Variants in MAPK10 observed in about 807,000 individuals in gnomAD.
MAPK10 encodes the protein mitogen-activated protein kinase 10.
A neutral mutation model predicts 59.3 loss-of-function variants in MAPK10; 25 were observed. That is an observed-to-expected ratio of 0.42 (90% CI 0.31 to 0.59). The LOEUF is 0.59. Ranked by LOEUF, MAPK10 falls within the 20% of genes least tolerant of loss-of-function variation. MAPK10 has a pLI of 0.15. For synonymous variants in MAPK10, 190 were observed against 200.5 expected (o/e 0.95, Z 0.44); for missense variants, 351 against 568.9 (o/e 0.62, Z 3.90).
At chr4:86,173,281 C>T (rs983924554) in intron 3 of MAPK10, among the ~76,000 whole-genome samples, 4 of 152,030 alleles carry the variant, frequency 2.6e-5, no homozygotes, top group Non-Finnish European at 5.9e-5. Flanking sequence ...ATACATAGAT[C>T]AATTGAACAG....
intron 11 of MAPK10, among the ~76,000 whole-genome samples, chr4:86,035,827 G>T (rs1367054517): frequency 6.6e-6 from 1 of 152,094 alleles, no homozygotes; most frequent in African/African-American, 2.4e-5. Context: ...AAGAGATGAT[G>T]ATTTGAAAGT....
intron 1 of MAPK10, among the ~76,000 whole-genome samples, chr4:86,574,912 G>C (rs1257966623): frequency 1.3e-5 from 2 of 152,180 alleles, no homozygotes; most frequent in African/African-American, 2.4e-5. Flanking sequence ...AAATATGATG[G>C]TTAACATGTC....
intron 2 of MAPK10, among the ~76,000 whole-genome samples, chr4:86,244,857 G>A (rs1442606091): frequency 6.6e-6 from 1 of 152,138 alleles, no homozygotes; most frequent in Non-Finnish European, 1.5e-5. Flanking sequence ...CTTTGAGTCT[G>A]AGAAATTTTC....
In MAPK10 at chr4:86,494,675, C is replaced by T. The variant is rs34423047; in HGVS notation, c.-263+99235G>A. On this transcript the variant is annotated intron_variant, in intron 1 of 4. Coordinates refer to the MAPK10 transcript ENST00000502302. ...CCTGGCCAACATGGAAACCCCGTCTCTACTGAAAATACAAAAAACTAGCTG... is the reference window on the plus strand; with the variant it reads ...CCTGGCCAACATGGAAACCCCGTCTTTACTGAAAATACAAAAAACTAGCTG... Among the ~76,000 whole-genome samples the T allele has an allele frequency of 2.6e-5, 4 of 151,622 alleles. No individual in the cohort carries two copies. The East Asian group carries it at 7.8e-4, about 29-fold the overall frequency.
At chr4:86,362,145 C>G (rs527842669), upstream of MAPK10, among the ~76,000 whole-genome samples, 35 of 151,960 alleles carry the variant, frequency 2.3e-4, no homozygotes, top group African/African-American at 7.5e-4. Context: ...CATTATACCC[C>G]ATAAATATAT....
chr4:86,512,542 A>T (rs1564970427), intron 1 of MAPK10, among the ~76,000 whole-genome samples: 2 of 152,112 alleles, frequency 1.3e-5, no homozygotes, highest in East Asian at 3.8e-4. Context: ...TAAATCTGAG[A>T]TTTTCATGTG....
chr4:86,470,856 C>G (rs1456244700), intron 1 of MAPK10, among the ~76,000 whole-genome samples: 1 of 151,946 alleles, frequency 6.6e-6, no homozygotes, highest in Non-Finnish European at 1.5e-5. Context: ...CAAAATAAAC[C>G]AAACCAAAAG....
intron 2 of MAPK10, among the ~76,000 whole-genome samples, chr4:86,208,571 A>G (rs971147813): frequency 1.3e-5 from 2 of 151,848 alleles, no homozygotes; most frequent in Non-Finnish European, 2.9e-5. Flanking sequence ...AATAAATTAG[A>G]TATTGATGGG....
chr4:86,408,091 C>T (rs569593591), intron 1 of MAPK10, among the ~76,000 whole-genome samples: 32 of 149,496 alleles, frequency 2.1e-4, no homozygotes, highest in East Asian at 7.9e-4. Flanking sequence ...TGATGTTCCC[C>T]GCCCTGTGTC....
intron 3 of MAPK10, among the ~76,000 whole-genome samples, chr4:86,176,723 C>T (rs2075765720): frequency 6.6e-6 from 1 of 152,036 alleles, no homozygotes; most frequent in South Asian, 2.1e-4. Context: ...ACTGTGTTCA[C>T]CTGTGGATAC....
At chr4:86,079,924 T>A (rs962733023) in intron 9 of MAPK10, 2 of 152,108 alleles carry the variant, frequency 1.3e-5, no homozygotes, top group Admixed American at 6.6e-5. Flanking sequence ...CCTGCCCCCA[T>A]GCTAGCATTT....
intron 2 of MAPK10, among the ~76,000 whole-genome samples, chr4:86,269,353 A>T (rs2094356964): frequency 1.3e-5 from 2 of 152,082 alleles, no homozygotes; most frequent in African/African-American, 4.8e-5. Context: ...TCTTTACAAG[A>T]CTCACTGCTT....
At chr4:86,589,419 C>T (rs1309709022) in intron 1 of MAPK10, among the ~76,000 whole-genome samples, 1 of 152,142 alleles carries the variant, frequency 6.6e-6, no homozygotes, top group Non-Finnish European at 1.5e-5. Context: ...AATGGTCCAA[C>T]GCCTGTAATC....
rs190766492 is a variant in MAPK10, at chr4:86,013,017, T to C, written c.*4211A>G. The C allele has an allele frequency of 1.3e-5, 2 of 152,250 alleles. No homozygotes were observed. Among genetic ancestry groups the C allele is most frequent in the East Asian group, 3.9e-4 (2 of 5,184 alleles). The allele number at this position is 152,250 out of a possible 1,614,324, so 9.4% of individuals were successfully genotyped here. The stretch of plus-strand genomic sequence containing the variant: ...GTGAACAGATAATCCTACATAAGGA[T>C]TGGGAGATTTGTGTCCATTAGAATA... On this transcript the variant is annotated 3_prime_UTR_variant, in exon 14 of 14. Transcript: ENST00000641462.
intron 1 of MAPK10, among the ~76,000 whole-genome samples, chr4:86,591,591 A>G (rs1456221220): frequency 5.9e-5 from 9 of 152,054 alleles, no homozygotes; most frequent in African/African-American, 4.8e-5. Flanking sequence ...CCAGACTGGT[A>G]TTGAACTCCT....
At chr4:86,086,889 CATGTTTGAAAT>C (rs2052002701) in intron 9 of MAPK10, among the ~76,000 whole-genome samples, 1 of 152,154 alleles carries the variant, frequency 6.6e-6, no homozygotes, top group Non-Finnish European at 1.5e-5. Flanking sequence ...CTTTAACCAA[CATGTTTGAAAT>C]CATTGAGACC....
chr4:86,132,986 A>C (rs1022819471), intron 4 of MAPK10, among the ~76,000 whole-genome samples: 3 of 152,308 alleles, frequency 2.0e-5, no homozygotes, highest in East Asian at 3.9e-4. Flanking sequence ...ACCACCCCTC[A>C]AGCCCCAGGC....
At chr4:86,037,450 G>T (rs918501513) in intron 11 of MAPK10, among the ~76,000 whole-genome samples, 14 of 152,030 alleles carry the variant, frequency 9.2e-5, no homozygotes, top group African/African-American at 3.4e-4. Context: ...AACTTGGGAG[G>T]TGGAGCTTGC....
At chr4:86,024,053 G>A (rs1748889296) in intron 13 of MAPK10, 1 of 151,614 alleles carries the variant, frequency 6.6e-6, no homozygotes, top group South Asian at 2.1e-4. Flanking sequence ...AATAATCTTG[G>A]TCTTCTCTTG....
Sources: allele counts gnomAD v4.1 joint callset (sites outside exome capture counted in the v4.1 genomes callset), GRCh38; gene constraint gnomAD v4.1.1; transcripts MANE v1.5; gene names NCBI Gene and HGNC (gene_info 2026-07-23, HGNC 2026-07-21).